The following SCAPER variants were observed in gnomAD, a reference collection of about 807,000 sequenced individuals.
SCAPER encodes S-phase cyclin A associated protein in the ER.
SCAPER carries 98 observed loss-of-function variants against 182.2 expected under a neutral mutation model. The observed-to-expected ratio is 0.54, with a 90% CI of 0.46 to 0.64. SCAPER has a LOEUF of 0.64. Ranked by LOEUF, SCAPER falls within the 30% of genes least tolerant of loss-of-function variation. The probability of loss-of-function intolerance (pLI) is 0.00; values close to 1 mark genes in which losing one functional copy is unlikely to be tolerated. For missense variants in SCAPER, 1,432 were observed against 1,690.0 expected, an observed-to-expected ratio of 0.85 and a Z score of 2.68; for synonymous variants, 605 against 564.6, an observed-to-expected ratio of 1.07 and a Z score of -1.01.
intron 22 of SCAPER, among the ~76,000 whole-genome samples, chr15:76,591,929 G>A (rs946404528): frequency 6.6e-6 from 1 of 152,084 alleles, no homozygotes; most frequent in African/African-American, 2.4e-5. Flanking sequence ...ACAGGGTGGC[G>A]CATGCCTGTA....
rs183415470 is a variant in SCAPER, at chr15:76,525,334, G to A, written c.2839-20360C>T. Among the ~76,000 whole-genome samples, 229 of 152,084 alleles carry A rather than the reference G, an allele frequency of 1.5e-3. 1 individual carries two copies. The highest frequency in any genetic ancestry group is 2.5e-3 in the Non-Finnish European group (170 of 67,966). On this transcript the variant is annotated intron_variant, in intron 23 of 31. Coordinates refer to ENST00000563290, the MANE Select transcript of SCAPER (RefSeq NM_020843.4). ...TACTATGTTATTGTTGTGGACTACAGTGTAATTTTTTTTCTTTTTTAAATA... is the reference window on the plus strand; with the variant it reads ...TACTATGTTATTGTTGTGGACTACAATGTAATTTTTTTTCTTTTTTAAATA...
intron 23 of SCAPER, among the ~76,000 whole-genome samples, chr15:76,536,337 C>T (rs1402873552): frequency 6.6e-6 from 1 of 152,078 alleles, no homozygotes; most frequent in Middle Eastern, 3.2e-3. Context: ...TTAAAAAAAA[C>T]ACCCAGTATT....
intron 29 of SCAPER, among the ~76,000 whole-genome samples, chr15:76,364,275 C>G (rs1261922315): frequency 6.6e-6 from 1 of 152,106 alleles, no homozygotes; most frequent in Non-Finnish European, 1.5e-5. Flanking sequence ...GAAGTAGGCC[C>G]TTTAAGCACT....
At chr15:76,465,355 G>A (rs1285936262) in intron 25 of SCAPER, among the ~76,000 whole-genome samples, 1 of 152,070 alleles carries the variant, frequency 6.6e-6, no homozygotes, top group African/African-American at 2.4e-5. Context: ...AAGTATTCAT[G>A]AGGGCTTTGT....
At chr15:76,809,320 T>C (rs1366121028) in intron 5 of SCAPER, among the ~76,000 whole-genome samples, 6 of 152,056 alleles carry the variant, frequency 3.9e-5, no homozygotes, top group Admixed American at 1.3e-4. Context: ...ACTTATCACA[T>C]AGAGAATTCA....
rs1043663103 is a variant in SCAPER, at chr15:76,571,507, A to G, written c.2838+2651T>C. Among the ~76,000 whole-genome samples, 26 of 152,164 alleles carry G rather than the reference A, an allele frequency of 1.7e-4. 2 individuals carry two copies. Among genetic ancestry groups the G allele is most frequent in the African/African-American group, 4.8e-5 (2 of 41,458 alleles). ...CCTCAGTTTCCTGACCCCTTCCATG[A>G]TAAGAGCGTTACTATACATCACAAG... On this transcript the variant is annotated intron_variant, in intron 23 of 31. Coordinates refer to ENST00000563290, the MANE Select transcript of SCAPER (RefSeq NM_020843.4).
chr15:76,450,368 G>A (rs966887563), intron 25 of SCAPER, among the ~76,000 whole-genome samples: 7 of 152,168 alleles, frequency 4.6e-5, no homozygotes, highest in Non-Finnish European at 1.5e-5. Context: ...TGAAGATGGC[G>A]TATTCCTTAA....
chr15:76,622,314 T>A (rs902963697), intron 21 of SCAPER, among the ~76,000 whole-genome samples: 1 of 152,156 alleles, frequency 6.6e-6, no homozygotes, highest in Non-Finnish European at 1.5e-5. Flanking sequence ...CCAATTTAAA[T>A]GTTAACTGCT....
At chr15:76,418,921 C>T (rs2045833163) in intron 26 of SCAPER, among the ~76,000 whole-genome samples, 1 of 152,234 alleles carries the variant, frequency 6.6e-6, no homozygotes, top group South Asian at 2.1e-4. Context: ...TGGCTGCTGC[C>T]TTCCTGGAGT....
intron 4 of SCAPER, among the ~76,000 whole-genome samples, chr15:76,843,098 A>G (rs558094150): frequency 3.9e-5 from 6 of 152,352 alleles, no homozygotes; most frequent in South Asian, 4.1e-4. Flanking sequence ...TTATGAATTT[A>G]TAACACATCC....
intron 1 of SCAPER, among the ~76,000 whole-genome samples, chr15:76,886,295 C>A (rs1228920624): frequency 6.6e-6 from 1 of 152,148 alleles, no homozygotes; most frequent in East Asian, 1.9e-4. Flanking sequence ...GCCTGGGCAA[C>A]ATGGCAAAAC....
intron 25 of SCAPER, among the ~76,000 whole-genome samples, chr15:76,444,014 A>G (rs962142375): frequency 2.0e-5 from 3 of 152,192 alleles, no homozygotes; most frequent in African/African-American, 7.2e-5. Flanking sequence ...GAATGATAAC[A>G]TCTGCTCATT....
intron 24 of SCAPER, chr15:76,498,671 AGCATCTAGCACAGTGCTTG>A (rs1489691299): frequency 6.6e-6 from 1 of 152,230 alleles, no homozygotes; most frequent in East Asian, 1.9e-4. Flanking sequence ...ATACGTGCAG[AGCATCTAGCACAGTGCTTG>A]GCACCAAGCA....
At chr15:76,589,116 G>A (rs2048914127) in intron 22 of SCAPER, among the ~76,000 whole-genome samples, 1 of 152,150 alleles carries the variant, frequency 6.6e-6, no homozygotes, top group Non-Finnish European at 1.5e-5. Context: ...CAGCTGTGGA[G>A]ATGGCAAGGG....
At chr15:76,743,719 C>T (rs2061661826) in intron 15 of SCAPER, among the ~76,000 whole-genome samples, 1 of 151,760 alleles carries the variant, frequency 6.6e-6, no homozygotes, top group Admixed American at 6.6e-5. Context: ...TCGCCATAAG[C>T]AATTTACAGA....
intron 2 of SCAPER, among the ~76,000 whole-genome samples, chr15:76,871,206 G>A (rs1315389527): frequency 6.6e-6 from 1 of 151,970 alleles, no homozygotes; most frequent in Admixed American, 6.6e-5. Context: ...TCAGGAGGTT[G>A]AGACCATCCT....
At chr15:76,457,693 T>C (rs2142915306) in intron 25 of SCAPER, among the ~76,000 whole-genome samples, 1 of 152,244 alleles carries the variant, frequency 6.6e-6, no homozygotes, top group African/African-American at 2.4e-5. Context: ...TTCTCTATAT[T>C]ATAATAATAT....
chr15:76,744,189 G>C lies in SCAPER; in HGVS notation c.1866+9619C>G, dbSNP rs141058344. On this transcript the variant is annotated intron_variant, in intron 15 of 31. Coordinates refer to ENST00000563290, the MANE Select transcript of SCAPER (RefSeq NM_020843.4). Reference sequence around the variant, plus strand: ...AAGGCCTCAAACTATAAAAATCCTAGAAGAAAACCTAGGAAATACCCTTCT... The same window carrying C: ...AAGGCCTCAAACTATAAAAATCCTACAAGAAAACCTAGGAAATACCCTTCT... Among the ~76,000 whole-genome samples, 813 of 152,178 alleles carry C rather than the reference G, an allele frequency of 5.3e-3. 12 individuals are homozygous for C. The highest frequency in any genetic ancestry group is 0.018 in the African/African-American group (754 of 41,516).
intron 25 of SCAPER, among the ~76,000 whole-genome samples, chr15:76,442,972 G>A (rs193051844): frequency 6.6e-6 from 1 of 152,240 alleles, no homozygotes; most frequent in East Asian, 1.9e-4. Flanking sequence ...CAGTGAAAAA[G>A]GTGGTGGGGG....
Sources: gnomAD v4.1 joint callset for allele counts (sites outside exome capture counted in the v4.1 genomes callset) on GRCh38, gnomAD v4.1.1 for gene constraint, MANE v1.5 for transcripts, NCBI Gene and HGNC (gene_info 2026-07-23, HGNC 2026-07-21) for gene names.